The following RAB38 variants were observed in gnomAD, a reference collection of about 807,000 sequenced individuals.
RAB38 encodes the protein RAB38, member RAS oncogene family, also known as ras-related protein Rab-38.
A neutral mutation model predicts 18.4 loss-of-function variants in RAB38; 15 were observed. That is an observed-to-expected ratio of 0.82 (90% CI 0.55 to 1.26). The LOEUF (loss-of-function observed/expected upper bound fraction) is 1.26, where lower values mean the gene tolerates loss of function less well. Ranked by LOEUF, RAB38 falls within the 50% of genes most tolerant of loss-of-function variation. RAB38 has a pLI of 0.00. For synonymous variants in RAB38, 101 were observed against 104.4 expected (o/e 0.97, Z 0.20); for missense variants, 294 against 267.4 (o/e 1.10, Z -0.69).
At chr11:88,160,113 A>G (rs1418709820) in intron 1 of RAB38, among the ~76,000 whole-genome samples, 1 of 152,082 alleles carries the variant, frequency 6.6e-6, no homozygotes, top group Non-Finnish European at 1.5e-5. Flanking sequence ...CTATATAAGG[A>G]ATTTAAATAA....
At chr11:87,959,812 C>T in the RAB38 span, among the ~76,000 whole-genome samples, 2 of 152,172 alleles carry the variant, frequency 1.3e-5, no homozygotes, top group Non-Finnish European at 2.9e-5. Flanking sequence ...AAAACAATGT[C>T]TCAGGAGGGG....
chr11:88,092,374 GAGAGAGAGAGAGAGAGAGAGAGAGAGAGA>G, the RAB38 span, among the ~76,000 whole-genome samples: 3 of 25,532 alleles, frequency 1.2e-4, no homozygotes, highest in Admixed American at 4.1e-4. Context: ...GAGAGAGAGA[GAGAGAGAGAGAGAGAGAGAGAGAGAGAGA>G]GAGAGAGAGA....
downstream of RAB38, among the ~76,000 whole-genome samples, chr11:88,110,586 A>C (rs1265121598): frequency 6.6e-6 from 1 of 152,038 alleles, no homozygotes; most frequent in Non-Finnish European, 1.5e-5. Flanking sequence ...TGGGAGGCCG[A>C]GGTGGGCAGA....
chr11:87,848,268 C>G, the RAB38 span, among the ~76,000 whole-genome samples: 2 of 151,914 alleles, frequency 1.3e-5, no homozygotes, highest in African/African-American at 4.9e-5. Context: ...GTTTCCTCTG[C>G]CAGAAGTTTC....
At chr11:87,914,376 C>T in the RAB38 span, among the ~76,000 whole-genome samples, 7 of 152,184 alleles carry the variant, frequency 4.6e-5, no homozygotes, top group East Asian at 5.8e-4. Context: ...CTTGTGTTCA[C>T]GCTGTAGGGC....
At chr11:87,968,620 C>G in the RAB38 span, among the ~76,000 whole-genome samples, 49 of 152,082 alleles carry the variant, frequency 3.2e-4, 1 homozygote, top group Admixed American at 1.9e-3. Flanking sequence ...GGAGCTTGCA[C>G]GACAGTGGAG....
At chr11:87,934,345 T>C in the RAB38 span, among the ~76,000 whole-genome samples, 2 of 152,138 alleles carry the variant, frequency 1.3e-5, no homozygotes, top group Admixed American at 1.3e-4. Context: ...TTTGGTATGA[T>C]AATTATACAT....
chr11:87,890,917 AT>A, the RAB38 span, among the ~76,000 whole-genome samples: 2 of 151,904 alleles, frequency 1.3e-5, no homozygotes, highest in Admixed American at 6.6e-5. Flanking sequence ...GTTAAAAAAA[AT>A]ATTCGTAAGA....
chr11:88,026,005 G>A, the RAB38 span, among the ~76,000 whole-genome samples: 66 of 151,852 alleles, frequency 4.3e-4, no homozygotes, highest in Admixed American at 1.1e-3. Context: ...TCGCTGTGTC[G>A]CCAGGCTGGA....
At chr11:88,102,254 T>C in the RAB38 span, among the ~76,000 whole-genome samples, 1 of 151,996 alleles carries the variant, frequency 6.6e-6, no homozygotes. Context: ...GATATAATGT[T>C]TTTTCCTCTA....
chr11:88,105,287 T>G, the RAB38 span, among the ~76,000 whole-genome samples: 1 of 152,166 alleles, frequency 6.6e-6, no homozygotes, highest in Non-Finnish European at 1.5e-5. Flanking sequence ...GGCTGCTGAC[T>G]GTTTCACTTG....
chr11:88,036,339 A>G, the RAB38 span, among the ~76,000 whole-genome samples: 2 of 152,212 alleles, frequency 1.3e-5, no homozygotes, highest in African/African-American at 4.8e-5. Flanking sequence ...GAAAAAGTAT[A>G]CTTATCGCTA....
chr11:87,976,608 T>TTTTACATAATATATATA, the RAB38 span, among the ~76,000 whole-genome samples: 6 of 103,140 alleles, frequency 5.8e-5, no homozygotes, highest in East Asian at 1.6e-3. Context: ...TATAAATACA[T>TTTTACATAATATATATA]ATTTTACATG....
At chr11:88,121,929 T>C (rs1942635955) in intron 2 of RAB38, among the ~76,000 whole-genome samples, 1 of 152,242 alleles carries the variant, frequency 6.6e-6, no homozygotes, top group Non-Finnish European at 1.5e-5. Context: ...CCATGTTTTC[T>C]AAGTTTTTGG....
chr11:87,948,560 G>C, the RAB38 span, among the ~76,000 whole-genome samples: 2 of 151,900 alleles, frequency 1.3e-5, no homozygotes, highest in Non-Finnish European at 2.9e-5. Flanking sequence ...ATTATTTTGA[G>C]ATACGTCCCA....
the RAB38 span, among the ~76,000 whole-genome samples, chr11:87,811,491 T>C: frequency 6.6e-6 from 1 of 152,182 alleles, no homozygotes; most frequent in African/African-American, 2.4e-5. Flanking sequence ...CAGGCCTGAT[T>C]TCCATCCCTA....
At chr11:87,955,240 T>G in the RAB38 span, among the ~76,000 whole-genome samples, 3 of 152,226 alleles carry the variant, frequency 2.0e-5, no homozygotes, top group East Asian at 5.8e-4. Context: ...TCTTATTCTT[T>G]AATCCAGCAA....
At chr11:87,894,090 T>G in the RAB38 span, among the ~76,000 whole-genome samples, 2 of 151,718 alleles carry the variant, frequency 1.3e-5, no homozygotes, top group South Asian at 2.1e-4. Context: ...TTTGATTTCT[T>G]TCAGCAACAT....
At chr11:88,120,106 T>G (rs1232699121) in intron 2 of RAB38, among the ~76,000 whole-genome samples, 1 of 152,208 alleles carries the variant, frequency 6.6e-6, no homozygotes, top group East Asian at 1.9e-4. Context: ...TTTCCTCCAC[T>G]GCAATCATTA....
Sources: allele counts gnomAD v4.1 joint callset (sites outside exome capture counted in the v4.1 genomes callset), GRCh38; gene constraint gnomAD v4.1.1; transcripts MANE v1.5; gene names NCBI Gene and HGNC (gene_info 2026-07-23, HGNC 2026-07-21).